AXDND1: variants seen among roughly 807,000 people sequenced by gnomAD.
AXDND1 encodes the protein axonemal dynein light chain domain containing 1, also known as axonemal dynein light chain domain-containing protein 1.
AXDND1 carries 110 observed loss-of-function variants against 137.5 expected under a neutral mutation model. The ratio of observed to expected loss-of-function variants is 0.80; its 90% confidence interval spans 0.69 to 0.94. The LOEUF (loss-of-function observed/expected upper bound fraction) is 0.94. Among genes scored for constraint, AXDND1 ranks in the 40% least tolerant of loss-of-function variants. The pLI, the probability that AXDND1 is intolerant of heterozygous loss-of-function variation, is 0.00. For missense variants in AXDND1, 1,191 were observed against 1,169.8 expected (o/e 1.02, Z -0.26); for synonymous variants, 414 against 399.7 (o/e 1.04, Z -0.43).
intron 12 of AXDND1, among the ~76,000 whole-genome samples, chr1:179,417,007 CT>C (rs1197585269): frequency 1.3e-5 from 2 of 152,064 alleles, no homozygotes; most frequent in Admixed American, 6.6e-5. Context: ...TCTGTATTGC[CT>C]GTTTTTTGAT....
intron 15 of AXDND1, among the ~76,000 whole-genome samples, 174 bp downstream of exon 15, chr1:179,432,516 C>T (rs1571812120): frequency 6.6e-6 from 1 of 152,218 alleles, no homozygotes. Context: ...ACTTCCACCT[C>T]CTGAGTTCAA....
rs1024755536 is a variant in AXDND1, at chr1:179,419,480, G to C, written c.1230+8214G>C. Among the ~76,000 whole-genome samples the C allele has an allele frequency of 4.7e-5, 7 of 148,580 alleles. No individual in the cohort carries two copies. The East Asian group carries it at 1.4e-3, about 30-fold the overall frequency. On this transcript the variant is annotated intron_variant, in intron 12 of 25. Coordinates refer to ENST00000367618, the MANE Select transcript of AXDND1 (RefSeq NM_144696.6). Reference sequence around the variant, plus strand: ...AATACGAAAACCAGTCAGGCGTGGCGGCGTGCGCCTGCAATCGCAGGCACT... The same window carrying C: ...AATACGAAAACCAGTCAGGCGTGGCCGCGTGCGCCTGCAATCGCAGGCACT...
At chr1:179,492,386 C>T (rs1667007013) in intron 19 of AXDND1, among the ~76,000 whole-genome samples, 1 of 151,194 alleles carries the variant, frequency 6.6e-6, no homozygotes, top group Admixed American at 6.6e-5. Context: ...TGAATGTATA[C>T]TTTTATGTGC....
rs569080870 is a variant in AXDND1 at position 179,421,329 on chromosome 1, C to A, written c.1231-8189C>A. Reference sequence around the variant, plus strand: ...TTTTGTGGTTCTCTATGGTTTCCTTCCTTCCTTTCTTCCTTCCTTCCTTTT... The same window carrying A: ...TTTTGTGGTTCTCTATGGTTTCCTTACTTCCTTTCTTCCTTCCTTCCTTTT... On this transcript the variant is annotated intron_variant, in intron 12 of 25. Coordinates refer to ENST00000367618, the MANE Select transcript of AXDND1 (RefSeq NM_144696.6). 7.0e-5 allele frequency among the ~76,000 whole-genome samples: 10 copies of A among 142,992 alleles called. 1 individual carries two copies. In the South Asian group the frequency reaches 2.2e-3, roughly 31 times the overall value. The allele number at this position is 142,992 out of a possible 152,430, so 93.8% of individuals were successfully genotyped here. A position where few individuals can be genotyped will look rare whatever the true frequency, so the allele number is the denominator to read the frequency against.
intron 11 of AXDND1, among the ~76,000 whole-genome samples, chr1:179,396,052 C>T (rs1418679240): frequency 6.6e-6 from 1 of 151,916 alleles, no homozygotes; most frequent in African/African-American, 2.4e-5. Flanking sequence ...GCCTGTAATC[C>T]TAGCTACGTG....
intron 12 of AXDND1, among the ~76,000 whole-genome samples, chr1:179,429,064 C>T (rs1379968495): frequency 6.6e-6 from 1 of 152,066 alleles, no homozygotes; most frequent in Non-Finnish European, 1.5e-5. Context: ...GTAGTCCCAG[C>T]TACTCAGGAG....
Position 179,492,926 on chromosome 1 carries a change from A to G in AXDND1, c.2363A>G (p.Asp788Gly). The G allele has an allele frequency of 3.1e-6, 5 of 1,609,640 alleles. No homozygotes were observed. The highest frequency in any genetic ancestry group is 1.3e-5 in the African/African-American group (1 of 74,880). The change falls in exon 20 of 26, where the codon GAC becomes GGC. Residue 788 changes from aspartate to glycine, a missense_variant. By Grantham distance (94) the Asp-to-Gly change is moderately conservative. Coordinates refer to ENST00000367618, the MANE Select transcript of AXDND1 (RefSeq NM_144696.6). ...AACTCACACAAAAATGCTACTGAAG[A>G]CCTTTATGAGGTGGATAAGTTGAAG... ...STNSHKNATEDLYEVDKLKKE... is the reference protein window; with the variant it reads ...STNSHKNATEGLYEVDKLKKE...
rs192156664 is a variant in AXDND1 at position 179,508,768 on chromosome 1, A to G, written c.2389-528A>G. ...ACATAGATTAGAATCCAAGCATCAT[A>G]CTTAACTATTTTTGTGACCTTGAGC... is the stretch of plus-strand genomic sequence containing the variant. On this transcript the variant is annotated intron_variant, in intron 20 of 25. Coordinates refer to ENST00000367618, the MANE Select transcript of AXDND1 (RefSeq NM_144696.6). Among the ~76,000 whole-genome samples the G allele has an allele frequency of 1.6e-3, 245 of 152,242 alleles. 2 individuals carry two copies. Among genetic ancestry groups the G allele is most frequent in the Non-Finnish European group, 2.8e-3 (189 of 68,022 alleles).
intron 16 of AXDND1, among the ~76,000 whole-genome samples, chr1:179,464,210 C>T (rs982898794): frequency 1.3e-5 from 2 of 152,192 alleles, no homozygotes; most frequent in Non-Finnish European, 2.9e-5. Flanking sequence ...TTCCTAGCAT[C>T]AATGGTCGTT....
intron 25 of AXDND1, among the ~76,000 whole-genome samples, chr1:179,536,953 T>C (rs1023199834): frequency 1.3e-5 from 2 of 152,204 alleles, no homozygotes; most frequent in African/African-American, 2.4e-5. Context: ...TTTTCCTAGG[T>C]ATTTTATTCT....
chr1:179,465,164 T>A (rs12130173), intron 16 of AXDND1, among the ~76,000 whole-genome samples: 1 of 152,054 alleles, frequency 6.6e-6, no homozygotes, highest in African/African-American at 2.4e-5. Context: ...CCGTTGCTGT[T>A]GAGGAGCTGT....
intron 20 of AXDND1, among the ~76,000 whole-genome samples, chr1:179,505,080 C>T (rs1026092313): frequency 6.6e-6 from 1 of 151,464 alleles, no homozygotes; most frequent in Non-Finnish European, 1.5e-5. Flanking sequence ...ACCATCTTCT[C>T]CTGATCTAGA....
intron 9 of AXDND1, among the ~76,000 whole-genome samples, chr1:179,388,645 T>TGGCA (rs1212088926): frequency 6.6e-6 from 1 of 152,142 alleles, no homozygotes; most frequent in Non-Finnish European, 1.5e-5. Flanking sequence ...TGCAGTGCAG[T>TGGCA]GGCACGATCT....
rs77754680 is a variant in AXDND1 at position 179,531,630 on chromosome 1, G to A, written c.2716-2165G>A. Among the ~76,000 whole-genome samples the A allele has an allele frequency of 6.2e-3, 940 of 152,178 alleles. 9 individuals carry two copies. The highest frequency in any genetic ancestry group is 0.022 in the African/African-American group (905 of 41,528). Reference sequence around the variant, plus strand: ...GGTTGATTGATATTTGGGGATATTGGTACTCAGAGAATAGTCCAAAGCTGA... The same window carrying A: ...GGTTGATTGATATTTGGGGATATTGATACTCAGAGAATAGTCCAAAGCTGA... On this transcript the variant is annotated intron_variant, in intron 23 of 25. Coordinates refer to ENST00000367618, the MANE Select transcript of AXDND1 (RefSeq NM_144696.6).
intron 25 of AXDND1, chr1:179,548,768 C>T (rs367952559): frequency 2.0e-5 from 3 of 152,166 alleles, no homozygotes; most frequent in African/African-American, 7.2e-5. Context: ...ATAGGAGAGT[C>T]CAAACTGCAG....
chr1:179,521,146 A>G (rs1202413652), intron 21 of AXDND1, among the ~76,000 whole-genome samples: 1 of 151,820 alleles, frequency 6.6e-6, no homozygotes, highest in African/African-American at 2.4e-5. Context: ...TTTCGCAGAG[A>G]CAGGGTCTTG....
intron 17 of AXDND1, among the ~76,000 whole-genome samples, chr1:179,480,268 T>C (rs1181431728): frequency 1.3e-5 from 2 of 152,166 alleles, no homozygotes; most frequent in Non-Finnish European, 2.9e-5. Context: ...TCCACATGGC[T>C]GGGGAGGCCT....
At chr1:179,524,379 G>C (rs1670347747) in intron 21 of AXDND1, among the ~76,000 whole-genome samples, 1 of 152,074 alleles carries the variant, frequency 6.6e-6, no homozygotes, top group Non-Finnish European at 1.5e-5. Context: ...TTTAATTAAA[G>C]GCAGATGACT....
intron 22 of AXDND1, among the ~76,000 whole-genome samples, chr1:179,526,459 A>G (rs1670538167): frequency 6.6e-6 from 1 of 152,204 alleles, no homozygotes; most frequent in African/African-American, 2.4e-5. Flanking sequence ...CAGAACCGAT[A>G]TTCAAACCCA....
Sources: gnomAD v4.1 joint callset for allele counts (sites outside exome capture counted in the v4.1 genomes callset) on GRCh38, gnomAD v4.1.1 for gene constraint, MANE v1.5 for transcripts, NCBI Gene and HGNC (gene_info 2026-07-23, HGNC 2026-07-21) for gene names.